Variants in CPT1C observed in about 807,000 individuals in gnomAD.
CPT1C encodes palmitoyl thioesterase CPT1C.
CPT1C carries 61 observed loss-of-function variants against 97.3 expected under a neutral mutation model. That is an observed-to-expected ratio of 0.63 (90% confidence interval 0.51 to 0.78). CPT1C has a LOEUF of 0.78. Ranked by LOEUF, CPT1C falls within the 30% of genes least tolerant of loss-of-function variation. The pLI, the probability that CPT1C is intolerant of heterozygous loss-of-function variation, is 0.00. For missense variants in CPT1C, 975 were observed against 1,065.5 expected, an observed-to-expected ratio of 0.92 and a Z score of 1.18; for synonymous variants, 469 against 447.2, an observed-to-expected ratio of 1.05 and a Z score of -0.61.
intron 7 of CPT1C, among the ~76,000 whole-genome samples, chr19:49,702,489 A>G (rs925370016): frequency 6.6e-6 from 1 of 151,802 alleles, no homozygotes; most frequent in Non-Finnish European, 1.5e-5. Context: ...CTGGTGGCGC[A>G]CACGCCTATA....
At chr19:49,692,478 C>T (rs2082411313) in intron 3 of CPT1C, 85 bp downstream of exon 3, 1 of 1,523,172 alleles carries the variant, frequency 6.6e-7, no homozygotes, top group Non-Finnish European at 9.0e-7. Flanking sequence ...GGCATTTCAG[C>T]TGGTTCATTT....
chr19:49,702,351 C>T (rs1355294545), intron 7 of CPT1C, among the ~76,000 whole-genome samples: 2 of 151,040 alleles, frequency 1.3e-5, no homozygotes, highest in African/African-American at 4.9e-5. Flanking sequence ...GGTGCAATGT[C>T]TCACGCCTGT....
Position 49,705,082 on chromosome 19 carries a change from C to T in CPT1C, c.847C>T (p.Arg283Cys), listed in dbSNP as rs745328410. Residue 283 changes from arginine to cysteine, a missense_variant, in exon 9 of 20, where the codon CGC becomes TGC. Arg to Cys is a radical substitution (Grantham distance 180). This residue lies in a region of CPT1C where 596 missense variants were observed against 603.1 expected (regional missense o/e 0.99). Coordinates refer to ENST00000598293, the MANE Select transcript of CPT1C (RefSeq NM_001199753.2). ...GNAVHALLLY[R>C]HRLNRQEIPP... ...TGCCGTCCATGCCCTCCTCCTGTAC[C>T]GCCACCGCCTGAACCGCCAGGAGAT... 5.0e-6 allele frequency: 8 copies of T among 1,613,792 alleles called. No homozygotes were observed. Among genetic ancestry groups the T allele is most frequent in the Admixed American group, 1.7e-5 (1 of 59,966 alleles).
intron 9 of CPT1C, 21 bp downstream of exon 9, chr19:49,705,135 T>C: frequency 6.2e-7 from 1 of 1,613,366 alleles, no homozygotes; most frequent in Non-Finnish European, 8.5e-7. Context: ...CCCAGTGGGT[T>C]AGGGATGGAG....
intron 7 of CPT1C, among the ~76,000 whole-genome samples, chr19:49,702,964 C>G (rs1001318183): frequency 6.6e-6 from 1 of 152,026 alleles, no homozygotes; most frequent in Admixed American, 6.6e-5. Flanking sequence ...CTCAGTTGGT[C>G]AAACCCAGCG....
At chr19:49,712,457 C>G (rs977267848) in intron 17 of CPT1C, 5 of 456,252 alleles carry the variant, frequency 1.1e-5, no homozygotes, top group African/African-American at 4.0e-5. Flanking sequence ...CGGGAGCAGA[C>G]AAAAGGGGAG....
Position 49,692,276 on chromosome 19 carries a change from G to C in CPT1C, c.24G>C (p.Val8=), listed in dbSNP as rs763509355. ...ACATGGCTGAAGCGCACCAGGCCGTGGGCTTCCGACCCTCGCTGACCTCGG... is the reference window on the plus strand; with the variant it reads ...ACATGGCTGAAGCGCACCAGGCCGTCGGCTTCCGACCCTCGCTGACCTCGG... MAEAHQA[V]GFRPSLTSDG... The change falls in exon 3 of 20, where the codon GTG becomes GTC. Residue 8 remains valine, a synonymous_variant. Coordinates refer to ENST00000598293, the MANE Select transcript of CPT1C (RefSeq NM_001199753.2). The C allele has an allele frequency of 1.2e-6, 2 of 1,613,914 alleles. No individual in the cohort carries two copies. The highest frequency in any genetic ancestry group is 2.7e-5 in the African/African-American group (2 of 74,920).
At position 49,712,576 on chromosome 19, in the gene CPT1C, C is replaced by T. The variant is rs2083968509; in HGVS notation, c.2020-160C>T. 14 of 618,468 alleles carry T rather than the reference C, an allele frequency of 2.3e-5. No individual in the cohort carries two copies. The East Asian group carries it at 3.9e-4, about 17-fold the overall frequency. 38.3% of individuals were successfully genotyped at this position (618,468 alleles called of 1,614,324 possible). Reference sequence around the variant, plus strand: ...TGTGGGTGGTGAGACGAGTGAGGGGCGTGGCCAGATAGGGCGTGGTCAGGA... The same window carrying T: ...TGTGGGTGGTGAGACGAGTGAGGGGTGTGGCCAGATAGGGCGTGGTCAGGA... On this transcript the variant is annotated intron_variant, in intron 17 of 19. Coordinates refer to ENST00000598293, the MANE Select transcript of CPT1C (RefSeq NM_001199753.2).
At chr19:49,700,977 C>T in intron 5 of CPT1C, 122 bp downstream of exon 5, 1 of 1,076,804 alleles carries the variant, frequency 9.3e-7, no homozygotes, top group Non-Finnish European at 1.4e-6. Flanking sequence ...TCTCTTCCCC[C>T]TCTCTTTCTG....
chr19:49,711,920 G>C lies in CPT1C; in HGVS notation c.1978G>C (p.Val660Leu). 6.2e-7 allele frequency: 1 copy of C among 1,614,184 alleles called. No homozygotes were observed. The highest frequency in any genetic ancestry group is 8.5e-7 in the Non-Finnish European group (1 of 1,180,030). ...CCGCCACCTGTTTGCGCTGTACATC[G>C]TGTCCCGATTCCTCCACCTGCAGTC... Reference protein sequence around the residue: ...VDRHLFALYIVSRFLHLQSPF... With the variant: ...VDRHLFALYILSRFLHLQSPF... The change falls in exon 17 of 20, where the codon GTG becomes CTG. Residue 660 changes from valine (V) to leucine (L), a missense_variant. By Grantham distance (32) the Val-to-Leu change is conservative. Transcript: ENST00000598293.
chr19:49,713,114 G>T (rs1277502795), intron 19 of CPT1C, 50 bp downstream of exon 19: 3 of 1,504,122 alleles, frequency 2.0e-6, no homozygotes, highest in South Asian at 1.1e-5. Flanking sequence ...CAGGAACCAG[G>T]AGTCTGGGCC....
upstream of CPT1C, chr19:49,690,679 G>A: frequency 3.6e-6 from 2 of 555,496 alleles, no homozygotes; most frequent in African/African-American, 1.9e-5. This position sits in a 1 kb window ranked among gnomAD's most constrained non-coding sequence, Gnocchi z 4.4. Flanking sequence ...AAGTCCCACT[G>A]TCTACCTTGA....
At chr19:49,712,118 G>T in intron 17 of CPT1C, 157 bp downstream of exon 17, 1 of 892,838 alleles carries the variant, frequency 1.1e-6, no homozygotes, top group Non-Finnish European at 1.6e-6. Flanking sequence ...CGAGGCAGGC[G>T]GATCACTTGA....
At position 49,708,757 on chromosome 19, in the gene CPT1C, A is replaced by C; in HGVS notation, c.1484A>C (p.Tyr495Ser). The C allele has an allele frequency of 6.2e-7, 1 of 1,614,034 alleles. No individual in the cohort carries two copies. The highest frequency in any genetic ancestry group is 8.5e-7 in the Non-Finnish European group (1 of 1,179,984). ...GCTACAGAATGCTTTCAGCTGGGCT[A>C]CTCAACAGACGGCCACTGCAAGGGG... ...TLATECFQLGYSTDGHCKGHP... is the reference protein window; with the variant it reads ...TLATECFQLGSSTDGHCKGHP... Residue 495 changes from tyrosine (Y) to serine (S), a missense_variant, in exon 14 of 20, where the codon TAC becomes TCC. Physicochemically the swap from Tyr to Ser is moderately radical, Grantham distance 144. This residue lies in a region of CPT1C where 35 missense variants were observed against 66.6 expected (regional missense o/e 0.53). Transcript: ENST00000598293.
intron 17 of CPT1C, 80 bp from the exon 18 acceptor site, chr19:49,712,656 G>C (rs980495927): frequency 9.4e-7 from 1 of 1,060,964 alleles, no homozygotes; most frequent in Admixed American, 1.8e-5. Context: ...AAAAAAGCCA[G>C]GGATGCAGGG....
intron 4 of CPT1C, chr19:49,697,671 G>A (rs2082743991): frequency 1.9e-6 from 1 of 519,396 alleles, no homozygotes; most frequent in Non-Finnish European, 3.3e-6. Flanking sequence ...TTGGGCATTG[G>A]GAGGCTGAGG....
rs1568521865 is a variant in CPT1C at position 49,702,114 on chromosome 19, T to TTATTTATAATTTATAAATAAATATA, written c.693+487_693+488insAATTTATAAATAAATATATATTTAT. Among the ~76,000 whole-genome samples, 12 of 12,144 alleles carry TTATTTATAATTTATAAATAAATATA rather than the reference T, an allele frequency of 9.9e-4. 3 individuals carry two copies. Among genetic ancestry groups the TTATTTATAATTTATAAATAAATATA allele is most frequent in the African/African-American group, 4.6e-3 (10 of 2,184 alleles). 8.0% of individuals were successfully genotyped at this position (12,144 alleles called of 152,430 possible). On this transcript the variant is annotated intron_variant, in intron 7 of 19. Transcript: ENST00000598293. ...TTATTTATAAATTATAAATATATAT[T>TTATTTATAATTTATAAATAAATATA]TATTTATTTATAAATTATAAATAAA...
At position 49,710,503 on chromosome 19, in the gene CPT1C, C is replaced by G; in HGVS notation, c.1731+19C>G. 1 of 1,614,088 alleles carries G rather than the reference C, an allele frequency of 6.2e-7. No homozygotes were observed. ...CTTCCGGGTCAGTTGGGTTCCCCAT[C>G]CACAGCCCCCGCAGGGTCTCAGTCC... On this transcript the variant is annotated intron_variant, in intron 15 of 19. Transcript: ENST00000598293.
At chr19:49,712,130 G>A in intron 17 of CPT1C, 169 bp downstream of exon 17, 1 of 806,678 alleles carries the variant, frequency 1.2e-6, no homozygotes, top group South Asian at 1.9e-5. Flanking sequence ...ATCACTTGAG[G>A]TCAAGAGTTC....
Sources: gnomAD v4.1 joint callset for allele counts (sites outside exome capture counted in the v4.1 genomes callset) on GRCh38, gnomAD v4.1.1 for gene constraint, gnomAD v4.1.1 regional missense constraint, Gnocchi (gnomAD v3.1) non-coding constraint, MANE v1.5 for transcripts, NCBI Gene and HGNC (gene_info 2026-07-23, HGNC 2026-07-21) for gene names.